AP3D1: variants seen among roughly 807,000 people sequenced by gnomAD.
AP3D1 encodes AP-3 complex subunit delta-1.
AP3D1 carries 51 observed loss-of-function variants against 147.6 expected under a neutral mutation model. That is an observed-to-expected ratio of 0.35 (90% confidence interval 0.28 to 0.44). The LOEUF is 0.44. Ranked by LOEUF, AP3D1 falls within the 20% of genes least tolerant of loss-of-function variation. The pLI, the probability that AP3D1 is intolerant of heterozygous loss-of-function variation, is 1.00. For missense variants in AP3D1, 1,421 were observed against 1,624.2 expected (o/e 0.87, Z 2.15); for synonymous variants, 760 against 663.0 (o/e 1.15, Z -2.25).
intron 9 of AP3D1, among the ~76,000 whole-genome samples, 188 bp from the exon 10 acceptor site, chr19:2,124,067 G>A (rs2018685531): frequency 6.6e-6 from 1 of 152,240 alleles, no homozygotes; most frequent in Non-Finnish European, 1.5e-5. Context: ...ACAGGCCTGA[G>A]GATAGGAACC....
Position 2,113,382 on chromosome 19 carries a change from G to C in AP3D1, c.2633C>G (p.Thr878Ser). 1 of 1,471,494 alleles carries C rather than the reference G, an allele frequency of 6.8e-7. No individual in the cohort carries two copies. The highest frequency in any genetic ancestry group is 9.0e-7 in the Non-Finnish European group (1 of 1,115,158). 91.2% of individuals were successfully genotyped at this position (1,471,494 alleles called of 1,614,324 possible). The change falls in exon 23 of 32, where the codon ACC becomes AGC. Residue 878 changes from threonine (T) to serine (S), a missense_variant. By Grantham distance (58) the Thr-to-Ser change is moderately conservative (BLOSUM62 1). Around this residue, in one of 6 missense-constraint regions of AP3D1, gnomAD observed 791 missense variants for 761.4 expected, o/e 1.04. Coordinates refer to ENST00000643116, the MANE Select transcript of AP3D1 (RefSeq NM_001261826.3). The stretch of plus-strand genomic sequence containing the variant: ...GGCGGGGGCGGGGGCAGGCGGTGGG[G>C]TGGTAGACAGCCAGAAGTCCAGGTC... Reference protein sequence around the residue: ...AEDLDFWLSTTPPPAPAPAPA... With the variant: ...AEDLDFWLSTSPPPAPAPAPA...
chr19:2,148,968 G>C (rs1371682987), intron 1 of AP3D1, among the ~76,000 whole-genome samples: 1 of 152,264 alleles, frequency 6.6e-6, no homozygotes, highest in East Asian at 1.9e-4. Context: ...CGGTCTATAG[G>C]ATAGCTGCTT....
intron 1 of AP3D1, among the ~76,000 whole-genome samples, chr19:2,140,412 C>A (rs866340968): frequency 6.6e-6 from 1 of 152,168 alleles, no homozygotes. Flanking sequence ...ACAGGAACAG[C>A]CCCCACGCTC....
chr19:2,128,423 C>T (rs1027299678), intron 8 of AP3D1, among the ~76,000 whole-genome samples: 5 of 151,782 alleles, frequency 3.3e-5, no homozygotes, highest in African/African-American at 9.7e-5. Context: ...GCACTGGGGC[C>T]GGGCTTGCAG....
chr19:2,137,206 A>T, intron 3 of AP3D1, 115 bp from the exon 4 acceptor site: 3 of 881,754 alleles, frequency 3.4e-6, no homozygotes, highest in Non-Finnish European at 5.4e-6. Flanking sequence ...AACACCCTGC[A>T]GCCTGGACGC....
intron 1 of AP3D1, among the ~76,000 whole-genome samples, chr19:2,159,296 A>G (rs1314644226): frequency 5.1e-5 from 7 of 138,146 alleles, no homozygotes; most frequent in African/African-American, 1.9e-4. Context: ...TCAGCTCACT[A>G]CAACCTCCGC....
Position 2,123,345 on chromosome 19 carries a change from G to A in AP3D1, c.955+13C>T. ...GACACGAAAATGACAGCACTGGGGA[G>A]GGGATGACTCACAGTTCTGATCGGA... On this transcript the variant is annotated intron_variant, in intron 11 of 31. Coordinates refer to ENST00000643116, the MANE Select transcript of AP3D1 (RefSeq NM_001261826.3). 1 of 1,612,328 alleles carries A rather than the reference G, an allele frequency of 6.2e-7. No individual in the cohort carries two copies. The highest frequency in any genetic ancestry group is 8.5e-7 in the Non-Finnish European group (1 of 1,179,562).
At chr19:2,164,289 C>A (rs1309934967) in intron 1 of AP3D1, 8 of 1,248,142 alleles carry the variant, frequency 6.4e-6, no homozygotes, top group Admixed American at 4.0e-5. Context: ...TCCACCGTCC[C>A]TACCTCCCGG....
At chr19:2,155,695 A>C (rs1171293787), upstream of AP3D1, among the ~76,000 whole-genome samples, 1 of 152,070 alleles carries the variant, frequency 6.6e-6, no homozygotes, top group Non-Finnish European at 1.5e-5. Flanking sequence ...ATTCTATGAT[A>C]TTGGGACTTT....
At chr19:2,146,655 T>C (rs2019364856) in intron 1 of AP3D1, among the ~76,000 whole-genome samples, 1 of 150,152 alleles carries the variant, frequency 6.7e-6, no homozygotes, top group South Asian at 2.1e-4. Context: ...GCACTGCATA[T>C]TTTGCAATCA....
At chr19:2,116,326 C>T in intron 17 of AP3D1, 48 bp from the exon 18 acceptor site, 1 of 1,576,644 alleles carries the variant, frequency 6.3e-7, no homozygotes, top group Non-Finnish European at 8.6e-7. Flanking sequence ...GGCAGGATAC[C>T]CCTCTGTGGA....
At chr19:2,164,186 TGGG>T in intron 1 of AP3D1, 1 of 1,126,332 alleles carries the variant, frequency 8.9e-7, no homozygotes, top group East Asian at 5.0e-5. Flanking sequence ...CGCGCGGACA[TGGG>T]GGAGAAGCTG....
intron 1 of AP3D1, among the ~76,000 whole-genome samples, chr19:2,141,523 T>C (rs906214622): frequency 1.8e-5 from 2 of 109,370 alleles, no homozygotes; most frequent in African/African-American, 7.0e-5. Flanking sequence ...AACCTCCGCC[T>C]CTCGGTTCAA....
At chr19:2,123,118 C>G (rs1017549713) in intron 11 of AP3D1, among the ~76,000 whole-genome samples, 1 of 152,266 alleles carries the variant, frequency 6.6e-6, no homozygotes, top group East Asian at 1.9e-4. Flanking sequence ...CCCCCTGCAT[C>G]TCCCCTGGGA....
At chr19:2,158,270 A>C (rs1331695927) in intron 1 of AP3D1, among the ~76,000 whole-genome samples, 1 of 151,464 alleles carries the variant, frequency 6.6e-6, no homozygotes, top group Non-Finnish European at 1.5e-5. Context: ...ATTAGCCAGG[A>C]TGGTCTCGAT....
intron 1 of AP3D1, among the ~76,000 whole-genome samples, chr19:2,150,585 T>A (rs1351946257): frequency 7.9e-5 from 12 of 152,162 alleles, no homozygotes; most frequent in Admixed American, 7.9e-4. Flanking sequence ...TCCTCCCTCC[T>A]GGCAGCAGCC....
In AP3D1 at chr19:2,110,178, G is replaced by A. The variant is rs11558401; in HGVS notation, c.3222C>T (p.Val1074=). Residue 1074 remains valine (V), a synonymous_variant, in exon 28 of 32, where the codon GTC becomes GTT. Transcript: ENST00000643116. The part of the protein sequence containing the change: ...AQYVFTIQSI[V]MAQKLKGTLS... ...GGGTCCCCTTGAGCTTCTGCGCCAT[G>A]ACGATGCTCTGGATGGTGAACACAT... The A allele has an allele frequency of 1.2e-5, 19 of 1,612,820 alleles. No homozygotes were observed. The highest frequency in any genetic ancestry group is 1.5e-5 in the Non-Finnish European group (18 of 1,179,998).
intron 16 of AP3D1, chr19:2,116,998 T>G: frequency 1.3e-6 from 1 of 792,148 alleles, no homozygotes; most frequent in Non-Finnish European, 1.9e-6. Flanking sequence ...ATGGCAAGGG[T>G]GGGAGCAGGC....
intron 1 of AP3D1, among the ~76,000 whole-genome samples, chr19:2,141,433 GTAC>G (rs2019217228): frequency 6.7e-6 from 1 of 149,796 alleles, no homozygotes; most frequent in African/African-American, 2.5e-5. Context: ...ACTCCCTGGG[GTAC>G]TTTTTTTTTT....
Sources: allele counts gnomAD v4.1 joint callset (sites outside exome capture counted in the v4.1 genomes callset), GRCh38; gene constraint gnomAD v4.1.1; regional missense constraint gnomAD v4.1.1; transcripts MANE v1.5; gene names NCBI Gene and HGNC (gene_info 2026-07-23, HGNC 2026-07-21).